The following DYRK4 variants were observed in gnomAD, a reference collection of about 807,000 sequenced individuals.
DYRK4 encodes the protein dual specificity tyrosine phosphorylation regulated kinase 4.
A neutral mutation model predicts 68.3 loss-of-function variants in DYRK4; 64 were observed. The observed-to-expected ratio is 0.94, with a 90% CI of 0.77 to 1.15. The LOEUF is 1.15. DYRK4 is among the 50% of genes most tolerant of loss of function. The pLI, the probability that DYRK4 is intolerant of heterozygous loss-of-function variation, is 0.00. For synonymous variants in DYRK4, 274 were observed against 289.9 expected (o/e 0.95, Z 0.56); for missense variants, 740 against 764.7 (o/e 0.97, Z 0.38).
chr12:4,596,888 T>C, intron 8 of DYRK4, 159 bp downstream of exon 8: 1 of 1,470,316 alleles, frequency 6.8e-7, no homozygotes. Context: ...AGCAAGGAGG[T>C]TGGGATGAAA....
chr12:4,612,942 G>GACT (rs1235723800), intron 14 of DYRK4: 3 of 476,144 alleles, frequency 6.3e-6, no homozygotes, highest in Non-Finnish European at 1.1e-5. Context: ...GCTACATCAT[G>GACT]ACTAGCCTGC....
chr12:4,597,079 C>T (rs1945026722), intron 8 of DYRK4: 1 of 1,120,180 alleles, frequency 8.9e-7, no homozygotes, highest in African/African-American at 1.7e-5. Flanking sequence ...GGCTTTCTGG[C>T]CTGGTCGTGC....
At chr12:4,603,612 A>G (rs2137392295) in intron 10 of DYRK4, among the ~76,000 whole-genome samples, 1 of 152,366 alleles carries the variant, frequency 6.6e-6, no homozygotes, top group Admixed American at 6.5e-5. Flanking sequence ...CGCAGCAGCC[A>G]GGACCACACT....
intron 1 of DYRK4, chr12:4,564,292 T>A (rs1944655695): frequency 6.6e-6 from 1 of 151,782 alleles, no homozygotes; most frequent in South Asian, 2.1e-4. Flanking sequence ...TGATTATATA[T>A]TATATAAATA....
intron 2 of DYRK4, among the ~76,000 whole-genome samples, chr12:4,584,842 A>C (rs1003804822): frequency 1.3e-5 from 2 of 152,116 alleles, no homozygotes; most frequent in Admixed American, 6.5e-5. Context: ...GGCGTGAGCC[A>C]CCGCGCCTGG....
chr12:4,583,016 C>G (rs755899608), intron 2 of DYRK4, among the ~76,000 whole-genome samples: 2 of 152,148 alleles, frequency 1.3e-5, no homozygotes, highest in Non-Finnish European at 2.9e-5. Context: ...CTTAGGAGAC[C>G]ATTGCAATAG....
intron 1 of DYRK4, among the ~76,000 whole-genome samples, chr12:4,565,748 C>T (rs1944670140): frequency 6.6e-6 from 1 of 152,098 alleles, no homozygotes; most frequent in Non-Finnish European, 1.5e-5. Flanking sequence ...GCCTCATCCT[C>T]CCGAGTAGCT....
At chr12:4,578,257 A>C (rs1944808228) in intron 2 of DYRK4, among the ~76,000 whole-genome samples, 1 of 152,054 alleles carries the variant, frequency 6.6e-6, no homozygotes, top group Non-Finnish European at 1.5e-5. Flanking sequence ...TGTATGTTAA[A>C]CCTTGTTTTA....
intron 13 of DYRK4, among the ~76,000 whole-genome samples, chr12:4,611,044 G>C (rs193262663): frequency 2.0e-5 from 3 of 152,134 alleles, no homozygotes; most frequent in Admixed American, 6.5e-5. Flanking sequence ...TATAAAATAC[G>C]GTATTCCTAA....
At chr12:4,607,649 A>G (rs984448864) in intron 12 of DYRK4, among the ~76,000 whole-genome samples, 3 of 152,220 alleles carry the variant, frequency 2.0e-5, no homozygotes, top group Admixed American at 6.5e-5. Flanking sequence ...AAGAGCTATC[A>G]GCAAATATTG....
chr12:4,597,081 T>C, intron 8 of DYRK4: 2 of 1,119,164 alleles, frequency 1.8e-6, no homozygotes, highest in Non-Finnish European at 2.2e-6. Flanking sequence ...CTTTCTGGCC[T>C]GGTCGTGCAG....
intron 1 of DYRK4, 122 bp from the exon 2 acceptor site, chr12:4,567,833 G>A: frequency 1.3e-6 from 1 of 793,632 alleles, no homozygotes. Context: ...CCCTGCTCCT[G>A]CTTTTAGGCC....
At chr12:4,580,687 G>A (rs1291741990) in intron 2 of DYRK4, 9 of 383,190 alleles carry the variant, frequency 2.3e-5, no homozygotes, top group Non-Finnish European at 4.6e-5. Context: ...TTTAACTCCT[G>A]GTAGTTCTGG....
intron 2 of DYRK4, among the ~76,000 whole-genome samples, chr12:4,569,398 T>C (rs1944709008): frequency 6.6e-6 from 1 of 152,226 alleles, no homozygotes; most frequent in African/African-American, 2.4e-5. Flanking sequence ...GATTTTATTT[T>C]AGCAAAATCA....
At chr12:4,612,808 C>A in intron 14 of DYRK4, 90 bp downstream of exon 14, 2 of 1,402,198 alleles carry the variant, frequency 1.4e-6, no homozygotes, top group East Asian at 2.3e-5. Context: ...ATTTTTGAAG[C>A]CCCAGTTCTG....
chr12:4,592,168 C>A (rs1459085208), intron 5 of DYRK4, among the ~76,000 whole-genome samples: 1 of 152,344 alleles, frequency 6.6e-6, no homozygotes, highest in African/African-American at 2.4e-5. Context: ...TGAGCTAGTT[C>A]TGCCTTCACA....
At chr12:4,592,971 T>C (rs1355660336) in intron 5 of DYRK4, 31 bp from the exon 6 acceptor site, 9 of 1,601,510 alleles carry the variant, frequency 5.6e-6, no homozygotes. Context: ...CTGCCTCAAC[T>C]GAACTCACAA....
chr12:4,593,700 C>G (rs1339969773), intron 6 of DYRK4, among the ~76,000 whole-genome samples: 2 of 152,192 alleles, frequency 1.3e-5, no homozygotes, highest in Non-Finnish European at 2.9e-5. Context: ...CCCTTGGCTT[C>G]CCCAGGACAG....
chr12:4,611,239 C>T (rs141491095), intron 13 of DYRK4, among the ~76,000 whole-genome samples: 9 of 152,288 alleles, frequency 5.9e-5, no homozygotes, highest in Admixed American at 3.9e-4. Flanking sequence ...GTATTCCCAT[C>T]GTAGGGGGTC....
Sources: gnomAD v4.1 joint callset for allele counts (sites outside exome capture counted in the v4.1 genomes callset) on GRCh38, gnomAD v4.1.1 for gene constraint, MANE v1.5 for transcripts, NCBI Gene and HGNC (gene_info 2026-07-23, HGNC 2026-07-21) for gene names.